MROH2A: variants seen among roughly 807,000 people sequenced by gnomAD.
MROH2A encodes the protein maestro heat like repeat family member 2A.
In MROH2A, 174 loss-of-function variants were observed where a neutral mutation model predicts 200.4. The observed-to-expected ratio is 0.87, with a 90% CI of 0.77 to 0.98. MROH2A has a LOEUF of 0.98. MROH2A is among the 50% of genes least tolerant of loss of function. The pLI, the probability that MROH2A is intolerant of heterozygous loss-of-function variation, is 0.00. For synonymous variants in MROH2A, 829 were observed against 840.4 expected, an observed-to-expected ratio of 0.99 and a Z score of 0.23; for missense variants, 2,045 against 2,139.6, an observed-to-expected ratio of 0.96 and a Z score of 0.87.
chr2:233,819,403 T>C lies in MROH2A; in HGVS notation c.3291T>C (p.His1097=). The change falls in exon 30 of 42, where the codon CAT becomes CAC. Residue 1097 remains histidine, a synonymous_variant. Transcript: ENST00000389758. The part of the protein sequence containing the change: ...CENTGAMNLQ[H]DKASVTWIAF... ...ACACTGGGGCCATGAACCTGCAGCA[T>C]GACAAGGCCTCTGTCACCTGGATAG... 1 of 1,550,562 alleles carries C rather than the reference T, an allele frequency of 6.4e-7. No individual in the cohort carries two copies. The highest frequency in any genetic ancestry group is 2.4e-5 in the East Asian group (1 of 40,910).
Position 233,807,464 on chromosome 2 carries a change from C to A in MROH2A, c.2094C>A (p.Gly698=). The part of the protein sequence containing the change: ...YRALGFTLAT[G]LEASKVEVLL... The stretch of plus-strand genomic sequence containing the variant: ...CCTTGGGCTTCACCTTGGCCACAGG[C>A]CTGGAGGCCAGCAAGGTGGAGGTCC... Residue 698 remains glycine (G), a synonymous_variant, in exon 20 of 42, where the codon GGC becomes GGA. Coordinates refer to ENST00000389758, the MANE Select transcript of MROH2A (RefSeq NM_001394639.1). The surrounding 1 kb of genome is among the most constrained non-coding windows in gnomAD (Gnocchi z 4.3). 6.4e-7 allele frequency: 1 copy of A among 1,550,604 alleles called. No individual in the cohort carries two copies. Among genetic ancestry groups the A allele is most frequent in the Non-Finnish European group, 8.7e-7 (1 of 1,147,000 alleles).
At chr2:233,777,002 T>C (rs1176862901), upstream of MROH2A, among the ~76,000 whole-genome samples, 11 of 152,172 alleles carry the variant, frequency 7.2e-5, no homozygotes, top group Non-Finnish European at 1.3e-4. Flanking sequence ...TTTCAGCCAA[T>C]AGCGAGCCAA....
In MROH2A at chr2:233,829,691, G is replaced by T; in HGVS notation, c.4518G>T (p.Lys1506Asn). The T allele has an allele frequency of 2.0e-6, 3 of 1,495,504 alleles. No homozygotes were observed. Among genetic ancestry groups the T allele is most frequent in the Non-Finnish European group, 2.7e-6 (3 of 1,119,834 alleles). 92.6% of individuals were successfully genotyped at this position (1,495,504 alleles called of 1,614,324 possible). A position where few individuals can be genotyped will look rare whatever the true frequency, so the allele number is the denominator to read the frequency against. The change falls in exon 38 of 42, where the codon AAG (lysine) becomes AAT (asparagine). Residue 1506 changes from lysine (K) to asparagine (N), a missense_variant. Physicochemically the swap from Lys to Asn is moderately conservative, Grantham distance 94 (BLOSUM62 0). Coordinates refer to ENST00000389758, the MANE Select transcript of MROH2A (RefSeq NM_001394639.1). ...TGGCAAGGGTGGTCGGGATGTCCAA[G>T]AAGCATTTCTTCAAAGGGGAGGTGA... is the stretch of plus-strand genomic sequence containing the variant. ...GKLARVVGMSKKHFFKGEVKK... is the reference protein window; with the variant it reads ...GKLARVVGMSNKHFFKGEVKK...
chr2:233,804,150 A>T lies in MROH2A; in HGVS notation c.1849A>T (p.Met617Leu). 1.3e-6 allele frequency: 2 copies of T among 1,550,530 alleles called. No individual in the cohort carries two copies. Among genetic ancestry groups the T allele is most frequent in the Non-Finnish European group, 1.7e-6 (2 of 1,146,978 alleles). The stretch of plus-strand genomic sequence containing the variant: ...GAGCATCGCACCCTCCATGGCCGAC[A>T]TGTGGGAGCTGGAGATTGCGCTACT... Reference protein sequence around the residue: ...SQSIAPSMADMWELEIALLVR... With the variant: ...SQSIAPSMADLWELEIALLVR... Residue 617 changes from methionine to leucine, a missense_variant, in exon 17 of 42, where the codon ATG (methionine) becomes TTG (leucine). Coordinates refer to ENST00000389758, the MANE Select transcript of MROH2A (RefSeq NM_001394639.1).
chr2:233,793,571 G>T, intron 6 of MROH2A, 102 bp from the exon 7 acceptor site: 1 of 1,156,244 alleles, frequency 8.6e-7, no homozygotes, highest in Non-Finnish European at 1.1e-6. Context: ...TGCTCGCTAC[G>T]GCAAGGCATG....
Position 233,829,760 on chromosome 2 carries a change from C to T in MROH2A, c.4587C>T (p.Cys1529=). Residue 1529 remains cysteine (C), a synonymous_variant, in exon 38 of 42, where the codon TGC becomes TGT. Transcript: ENST00000389758. ...IPLMLHSQDP[C]SNAAQACMAT... ...TCATGCTGCACTCCCAGGACCCCTG[C>T]TCCAATGCAGCCCAAGTAAGATACA... The T allele has an allele frequency of 7.2e-7, 1 of 1,394,532 alleles. No individual in the cohort carries two copies. The highest frequency in any genetic ancestry group is 3.0e-5 in the East Asian group (1 of 33,560). 86.4% of individuals were successfully genotyped at this position (1,394,532 alleles called of 1,614,324 possible).
In MROH2A at chr2:233,828,719, GGCCCT is replaced by G. The variant is rs749970875; in HGVS notation, c.4206_4210del (p.Leu1403GlyfsTer55). 1.3e-6 allele frequency: 2 copies of G among 1,550,712 alleles called. No homozygotes were observed. Among genetic ancestry groups the G allele is most frequent in the South Asian group, 2.4e-5 (2 of 84,070 alleles). On this transcript the variant is annotated frameshift_variant, in exon 36 of 42. Transcript: ENST00000389758. LOFTEE classifies it high-confidence loss of function. This position sits in a 1 kb window ranked among gnomAD's most constrained non-coding sequence, Gnocchi z 4.6. ...AGGGTGCCGACCAGGAGGAAGACGAGGCCCTGCGGGTGCTGTCCCTGCGCGCCCTC... is the reference window on the plus strand; with the variant it reads ...AGGGTGCCGACCAGGAGGAAGACGAGGCGGGTGCTGTCCCTGCGCGCCCTC...
chr2:233,801,758 C>T (rs537254979), intron 14 of MROH2A, among the ~76,000 whole-genome samples: 2 of 152,316 alleles, frequency 1.3e-5, no homozygotes, highest in East Asian at 1.9e-4. Context: ...TAGGTACAGT[C>T]GCCTAGCCAA....
chr2:233,792,654 T>C, intron 5 of MROH2A, 142 bp from the exon 6 acceptor site: 1 of 607,888 alleles, frequency 1.6e-6, no homozygotes, highest in South Asian at 2.0e-5. Flanking sequence ...GACTATTTCC[T>C]GGGCCCCAGC....
chr2:233,784,248 A>G (rs1431241719), intron 3 of MROH2A, among the ~76,000 whole-genome samples: 1 of 151,976 alleles, frequency 6.6e-6, no homozygotes, highest in Non-Finnish European at 1.5e-5. Context: ...TTCTATTTCC[A>G]TTCATTTCAG....
chr2:233,832,346 G>A lies in MROH2A; in HGVS notation c.4837+67G>A, dbSNP rs540258744. The A allele has an allele frequency of 1.3e-4, 182 of 1,370,628 alleles. No individual in the cohort carries two copies. In the East Asian group the frequency reaches 1.6e-3, roughly 12 times the overall value. 84.9% of individuals were successfully genotyped at this position (1,370,628 alleles called of 1,614,324 possible). On this transcript the variant is annotated intron_variant, in intron 40 of 41. Coordinates refer to ENST00000389758, the MANE Select transcript of MROH2A (RefSeq NM_001394639.1). ...GGCCCTCTAGTCCACCCCGGCACTC[G>A]GGGGAAGGGTGGATCATGAGTGGGA...
Position 233,828,558 on chromosome 2 carries a change from C to T in MROH2A, c.4114-72C>T. 1 of 1,512,440 alleles carries T rather than the reference C, an allele frequency of 6.6e-7. No individual in the cohort carries two copies. Among genetic ancestry groups the T allele is most frequent in the South Asian group, 1.3e-5 (1 of 79,190 alleles). The allele number at this position is 1,512,440 out of a possible 1,614,324, so 93.7% of individuals were successfully genotyped here. On this transcript the variant is annotated intron_variant, in intron 35 of 41. Coordinates refer to ENST00000389758, the MANE Select transcript of MROH2A (RefSeq NM_001394639.1). The surrounding 1 kb of genome is among the most constrained non-coding windows in gnomAD (Gnocchi z 4.6). ...GAGCCACCAATCTGCATTACCTCTC[C>T]TCCCACGTCCCACCTTGCTGCTGAG...
chr2:233,816,984 G>A (rs1310273107), intron 27 of MROH2A, 99 bp downstream of exon 27: 1 of 759,696 alleles, frequency 1.3e-6, no homozygotes, highest in African/African-American at 1.7e-5. Flanking sequence ...ATGAAATCAA[G>A]TTCTGTCCCC....
intron 38 of MROH2A, among the ~76,000 whole-genome samples, chr2:233,830,357 TCTC>T (rs1156256795): frequency 6.6e-6 from 1 of 152,132 alleles, no homozygotes; most frequent in Non-Finnish European, 1.5e-5. Context: ...ACCGCCCTCT[TCTC>T]TCCCTAGTCT....
chr2:233,797,536 G>A (rs918583217), intron 11 of MROH2A, among the ~76,000 whole-genome samples: 1 of 152,166 alleles, frequency 6.6e-6, no homozygotes, highest in Non-Finnish European at 1.5e-5. Context: ...ATTAAGTGTA[G>A]CAATACAACG....
chr2:233,793,018 A>C (rs75235703), intron 6 of MROH2A, 124 bp downstream of exon 6: 38,129 of 972,340 alleles, frequency 0.039, 958 homozygotes, highest in Non-Finnish European at 0.047. Flanking sequence ...TCTCCAAAGG[A>C]GTTTGCTTAA....
rs527293809 is a variant in MROH2A at position 233,817,512 on chromosome 2, C to T, written c.2962-490C>T. On this transcript the variant is annotated intron_variant, in intron 27 of 41. Coordinates refer to ENST00000389758, the MANE Select transcript of MROH2A (RefSeq NM_001394639.1). ...AGGCTCAGCAAAATGAGGCAGGGGC[C>T]AAGTCCAACACTCAGTAACATGTGA... 4.6e-5 allele frequency among the ~76,000 whole-genome samples: 7 copies of T among 152,242 alleles called. No homozygotes were observed. The East Asian group carries it at 5.8e-4, about 13-fold the overall frequency.
intron 3 of MROH2A, among the ~76,000 whole-genome samples, chr2:233,788,733 G>C (rs145407648): frequency 0.015 from 2,270 of 151,956 alleles, 66 homozygotes; most frequent in African/African-American, 0.052. Flanking sequence ...GTCAGGAGAT[G>C]GAGACCATCT....
Position 233,828,853 on chromosome 2 carries a change from G to A in MROH2A, c.4264-37G>A, listed in dbSNP as rs1704512918. 1 of 1,549,862 alleles carries A rather than the reference G, an allele frequency of 6.5e-7. No homozygotes were observed. On this transcript the variant is annotated intron_variant, in intron 36 of 41. Coordinates refer to ENST00000389758, the MANE Select transcript of MROH2A (RefSeq NM_001394639.1). The surrounding 1 kb of genome is among the most constrained non-coding windows in gnomAD (Gnocchi z 4.6). ...CCGGGTGCCCTGGTCAGCCTGGGAG[G>A]GAGGGTGCAGGCTGAGGGCTGCCCA...
Sources: allele counts gnomAD v4.1 joint callset (sites outside exome capture counted in the v4.1 genomes callset), GRCh38; gene constraint gnomAD v4.1.1; non-coding constraint Gnocchi (gnomAD v3.1); transcripts MANE v1.5; gene names NCBI Gene and HGNC (gene_info 2026-07-23, HGNC 2026-07-21).